Variants in SPAG16 observed in about 807,000 individuals in gnomAD.
SPAG16 encodes sperm associated antigen 16.
A neutral mutation model predicts 80.4 loss-of-function variants in SPAG16; 86 were observed. That is an observed-to-expected ratio of 1.07 (90% confidence interval 0.90 to 1.28). The LOEUF (loss-of-function observed/expected upper bound fraction) is 1.28. Among genes scored for constraint, SPAG16 ranks in the 50% most tolerant of loss-of-function variants. The pLI, the probability that SPAG16 is intolerant of heterozygous loss-of-function variation, is 0.00. For synonymous variants in SPAG16, 294 were observed against 265.9 expected, an observed-to-expected ratio of 1.11 and a Z score of -1.03; for missense variants, 870 against 765.3, an observed-to-expected ratio of 1.14 and a Z score of -1.61.
intron 15 of SPAG16, among the ~76,000 whole-genome samples, chr2:214,272,801 A>G (rs544184874): frequency 6.6e-6 from 1 of 152,272 alleles, no homozygotes; most frequent in Admixed American, 6.5e-5. Flanking sequence ...CTTTGGGTAT[A>G]TACCCAGTAA....
chr2:213,683,813 G>C (rs6707387), intron 10 of SPAG16, among the ~76,000 whole-genome samples: 2 of 151,946 alleles, frequency 1.3e-5, no homozygotes, highest in Admixed American at 6.6e-5. Context: ...AACTAGGCCA[G>C]TGTACTATAA....
intron 15 of SPAG16, among the ~76,000 whole-genome samples, chr2:214,210,534 T>A (rs924251453): frequency 2.0e-5 from 3 of 152,138 alleles, no homozygotes; most frequent in African/African-American, 7.2e-5. Flanking sequence ...TCCTGGGGGT[T>A]TTGTGCTCTT....
intron 10 of SPAG16, among the ~76,000 whole-genome samples, chr2:213,598,987 G>A (rs2060972865): frequency 6.6e-6 from 1 of 152,070 alleles, no homozygotes; most frequent in African/African-American, 2.4e-5. Flanking sequence ...CATCTAAATT[G>A]AGCAAATGTG....
intron 13 of SPAG16, among the ~76,000 whole-genome samples, chr2:214,058,166 C>A (rs1011935735): frequency 1.3e-5 from 2 of 152,136 alleles, no homozygotes; most frequent in Non-Finnish European, 2.9e-5. Context: ...TAGCATAAGA[C>A]ACCTAGCTTT....
intron 10 of SPAG16, among the ~76,000 whole-genome samples, chr2:213,838,581 G>T (rs2074218595): frequency 6.6e-6 from 1 of 152,140 alleles, no homozygotes. Context: ...CAGATTTAAA[G>T]ATCTTAATTA....
chr2:214,303,691 TA>T (rs1327492395), intron 15 of SPAG16, among the ~76,000 whole-genome samples: 1 of 152,190 alleles, frequency 6.6e-6, no homozygotes, highest in Non-Finnish European at 1.5e-5. Context: ...TAAATTTTCC[TA>T]AGTTTGCCCA....
chr2:213,693,561 C>T lies in SPAG16; in HGVS notation c.1071-168924C>T, dbSNP rs184136917. Among the ~76,000 whole-genome samples, 5 of 152,254 alleles carry T rather than the reference C, an allele frequency of 3.3e-5. No individual in the cohort carries two copies. The East Asian group carries it at 7.7e-4, about 23-fold the overall frequency. On this transcript the variant is annotated intron_variant, in intron 10 of 15. Coordinates refer to ENST00000331683, the MANE Select transcript of SPAG16 (RefSeq NM_024532.5). ...TGTAGCTTGCTAAATAATTTATGGGCTTTTTGGAAGTGTTTTGGGCAGATT... is the reference window on the plus strand; with the variant it reads ...TGTAGCTTGCTAAATAATTTATGGGTTTTTTGGAAGTGTTTTGGGCAGATT...
intron 9 of SPAG16, among the ~76,000 whole-genome samples, chr2:213,434,154 A>T (rs1053304573): frequency 6.6e-6 from 1 of 152,004 alleles, no homozygotes; most frequent in Non-Finnish European, 1.5e-5. Flanking sequence ...TCCTGACCTC[A>T]GGTGATCCAC....
At chr2:213,910,297 C>T (rs1160380899) in intron 11 of SPAG16, among the ~76,000 whole-genome samples, 1 of 152,096 alleles carries the variant, frequency 6.6e-6, no homozygotes, top group East Asian at 1.9e-4. Context: ...TACATAAGAA[C>T]TTATATTCTG....
At chr2:213,761,801 G>C (rs1351507045) in intron 10 of SPAG16, among the ~76,000 whole-genome samples, 1 of 152,110 alleles carries the variant, frequency 6.6e-6, no homozygotes, top group Non-Finnish European at 1.5e-5. Context: ...GGGAGGCAGA[G>C]GTTGCAGTGA....
chr2:213,335,340 T>C (rs1418177894), intron 5 of SPAG16, among the ~76,000 whole-genome samples: 1 of 152,182 alleles, frequency 6.6e-6, no homozygotes, highest in African/African-American at 2.4e-5. Context: ...TTATTGTTGT[T>C]GAAATGCAAA....
At chr2:213,664,826 C>CAT (rs778961002) in intron 10 of SPAG16, among the ~76,000 whole-genome samples, 2 of 122,684 alleles carry the variant, frequency 1.6e-5, no homozygotes. Context: ...TGTATGCATG[C>CAT]ATATATATAC....
chr2:213,752,917 T>C (rs2068146183), intron 10 of SPAG16, among the ~76,000 whole-genome samples: 1 of 152,252 alleles, frequency 6.6e-6, no homozygotes, highest in African/African-American at 2.4e-5. Flanking sequence ...CATCGTCTTA[T>C]GTTCATAGAT....
At chr2:213,646,129 G>GA (rs2062814467) in intron 10 of SPAG16, among the ~76,000 whole-genome samples, 1 of 152,208 alleles carries the variant, frequency 6.6e-6, no homozygotes, top group African/African-American at 2.4e-5. Flanking sequence ...CCAGGTCAGG[G>GA]AGGGGTGGCA....
intron 13 of SPAG16, among the ~76,000 whole-genome samples, chr2:214,023,512 C>T (rs1361920283): frequency 2.0e-5 from 3 of 151,638 alleles, no homozygotes; most frequent in Non-Finnish European, 4.4e-5. Flanking sequence ...GGTATAAGTA[C>T]ATAGGTTTTA....
chr2:213,896,279 A>G (rs906406190), intron 11 of SPAG16, among the ~76,000 whole-genome samples: 6 of 152,082 alleles, frequency 3.9e-5, no homozygotes, highest in African/African-American at 1.4e-4. Flanking sequence ...TTTTATTAAA[A>G]GGACATTATA....
chr2:213,329,901 C>G (rs1192991281), intron 5 of SPAG16, among the ~76,000 whole-genome samples: 1 of 152,202 alleles, frequency 6.6e-6, no homozygotes, highest in African/African-American at 2.4e-5. Context: ...GCTACTCCAG[C>G]CATGACTAAA....
At chr2:213,288,260 A>G (rs989854710) in intron 1 of SPAG16, among the ~76,000 whole-genome samples, 5 of 151,786 alleles carry the variant, frequency 3.3e-5, no homozygotes, top group Admixed American at 2.6e-4. Context: ...TTTCATTGCC[A>G]TAGTAATGTT....
rs562139167 is a variant in SPAG16 at position 213,608,943 on chromosome 2, A to G, written c.1070+118853A>G. Among the ~76,000 whole-genome samples the G allele has an allele frequency of 3.9e-5, 6 of 152,332 alleles. No homozygotes were observed. The South Asian group carries it at 1.0e-3, about 26-fold the overall frequency. On this transcript the variant is annotated intron_variant, in intron 10 of 15. Coordinates refer to ENST00000331683, the MANE Select transcript of SPAG16 (RefSeq NM_024532.5). ...TGTGATCTGCCCGCCTCGGCCTCCC[A>G]AAGTACTGGGATTACAGGCGTGAGC...
Sources: gnomAD v4.1 joint callset for allele counts (sites outside exome capture counted in the v4.1 genomes callset) on GRCh38, gnomAD v4.1.1 for gene constraint, MANE v1.5 for transcripts, NCBI Gene and HGNC (gene_info 2026-07-23, HGNC 2026-07-21) for gene names.